Variants in FAM210A observed in about 807,000 individuals in gnomAD.
FAM210A encodes family with sequence similarity 210 member A.
In FAM210A, 13 loss-of-function variants were observed where a neutral mutation model predicts 25.3. The observed-to-expected ratio is 0.51, with a 90% CI of 0.33 to 0.82. The LOEUF is 0.82. FAM210A is among the 40% of genes least tolerant of loss of function. FAM210A has a pLI of 0.02. For synonymous variants in FAM210A, 125 were observed against 118.7 expected (o/e 1.05, Z -0.35); for missense variants, 319 against 323.2 (o/e 0.99, Z 0.10).
At chr18:13,709,486 A>T (rs893944451) in intron 1 of FAM210A, among the ~76,000 whole-genome samples, 1 of 152,172 alleles carries the variant, frequency 6.6e-6, no homozygotes, top group African/African-American at 2.4e-5. Context: ...CCTTTGTTCA[A>T]TTGCCACCTG....
intron 1 of FAM210A, among the ~76,000 whole-genome samples, chr18:13,717,352 A>G (rs757221344): frequency 2.0e-5 from 3 of 152,192 alleles, no homozygotes; most frequent in Non-Finnish European, 2.9e-5. Context: ...TCTGTTGCCC[A>G]GGCTAGTCTC....
intron 1 of FAM210A, among the ~76,000 whole-genome samples, chr18:13,709,576 A>T (rs2043806301): frequency 6.6e-6 from 1 of 152,156 alleles, no homozygotes; most frequent in South Asian, 2.1e-4. Flanking sequence ...AGTCTTCCTT[A>T]CCTTGCTCTA....
intron 2 of FAM210A, among the ~76,000 whole-genome samples, chr18:13,673,330 A>G (rs200287206): frequency 5.4e-4 from 41 of 75,906 alleles, no homozygotes; most frequent in Admixed American, 9.2e-4. Context: ...ACATTCCTGA[A>G]CCCCGACTTC....
At chr18:13,679,000 T>C (rs545292147) in intron 2 of FAM210A, among the ~76,000 whole-genome samples, 1 of 152,342 alleles carries the variant, frequency 6.6e-6, no homozygotes, top group East Asian at 1.9e-4. Flanking sequence ...TCTGCAAGGC[T>C]TTGCCAGATA....
In FAM210A at chr18:13,666,300, G is replaced by C. The variant is rs1351517500; in HGVS notation, c.*180C>G. ...TTAAACTGGGTTCATTTCTTCCCTT[G>C]TAATAACACTGATTTTTCTAGTGAT... is the stretch of plus-strand genomic sequence containing the variant. On this transcript the variant is annotated 3_prime_UTR_variant, in exon 4 of 4. Transcript: ENST00000651643. 3.4e-6 allele frequency: 2 copies of C among 593,044 alleles called. No individual in the cohort carries two copies. Among genetic ancestry groups the C allele is most frequent in the African/African-American group, 1.9e-5 (1 of 53,768 alleles). 36.7% of individuals were successfully genotyped at this position (593,044 alleles called of 1,614,324 possible).
Position 13,681,970 on chromosome 18 carries a change from T to G in FAM210A, c.108A>C (p.Leu36Phe). The G allele has an allele frequency of 1.9e-6, 3 of 1,614,116 alleles. No individual in the cohort carries two copies. Among genetic ancestry groups the G allele is most frequent in the Non-Finnish European group, 2.5e-6 (3 of 1,180,024 alleles). Residue 36 changes from leucine to phenylalanine, a missense_variant, in exon 2 of 4, where the codon TTA (leucine) becomes TTC (phenylalanine). Leu to Phe is a conservative substitution (Grantham distance 22). Coordinates refer to ENST00000651643, the MANE Select transcript of FAM210A (RefSeq NM_152352.4). ...FGHCQNVKGP[L>F]LLYNAESKVV... is the part of the protein sequence containing the mutation. ...CTTTGGATTCAGCATTGTATAAAAG[T>G]AAAGGTCCCTTTACATTTTGACAGT... is the stretch of plus-strand genomic sequence containing the variant.
At chr18:13,722,755 G>A (rs924200150) in intron 1 of FAM210A, among the ~76,000 whole-genome samples, 28 of 152,162 alleles carry the variant, frequency 1.8e-4, no homozygotes, top group African/African-American at 6.0e-4. Flanking sequence ...AAGAGATACG[G>A]GTTTCTTTAG....
chr18:13,697,830 A>G (rs940494684), intron 1 of FAM210A, among the ~76,000 whole-genome samples: 5 of 152,352 alleles, frequency 3.3e-5, no homozygotes, highest in Middle Eastern at 6.8e-3. Flanking sequence ...ATGTCCTTCA[A>G]TAAGTGAATG....
At chr18:13,693,298 C>T (rs576601470) in intron 1 of FAM210A, among the ~76,000 whole-genome samples, 1 of 152,290 alleles carries the variant, frequency 6.6e-6, no homozygotes, top group South Asian at 2.1e-4. Flanking sequence ...GATTCACAGC[C>T]AAATTCTACC....
intron 1 of FAM210A, among the ~76,000 whole-genome samples, chr18:13,684,134 C>T (rs764488875): frequency 1.8e-4 from 28 of 152,154 alleles, no homozygotes; most frequent in Admixed American, 6.5e-5. Context: ...CGGTGGCTCA[C>T]GCCTGTAATC....
intron 1 of FAM210A, among the ~76,000 whole-genome samples, chr18:13,714,031 T>C (rs1018313722): frequency 1.3e-5 from 2 of 152,198 alleles, no homozygotes; most frequent in African/African-American, 4.8e-5. Flanking sequence ...ACCTAAAATC[T>C]ACTAACGTAA....
intron 3 of FAM210A, among the ~76,000 whole-genome samples, chr18:13,670,674 G>A (rs1601939141): frequency 6.6e-6 from 1 of 152,134 alleles, no homozygotes; most frequent in East Asian, 1.9e-4. Flanking sequence ...CCAAAATAAA[G>A]ACCCATAGGC....
Position 13,704,865 on chromosome 18 carries a change from TTAACTA to T in FAM210A, c.-29+21458_-29+21463del, listed in dbSNP as rs760886460. Among the ~76,000 whole-genome samples, 11 of 152,326 alleles carry T rather than the reference TTAACTA, an allele frequency of 7.2e-5. No homozygotes were observed. In the East Asian group the frequency reaches 1.2e-3, roughly 16 times the overall value. ...CCACATTTCCTTGTCATCTGTGTCT[TTAACTA>T]TAACTATTTAAAGTCATTTCCAGTT... On this transcript the variant is annotated intron_variant, in intron 1 of 3. Coordinates refer to ENST00000651643, the MANE Select transcript of FAM210A (RefSeq NM_152352.4).
Position 13,713,873 on chromosome 18 carries a change from T to C in FAM210A, c.-29+12456A>G, listed in dbSNP as rs536305777. Among the ~76,000 whole-genome samples, 11 of 152,204 alleles carry C rather than the reference T, an allele frequency of 7.2e-5. No individual in the cohort carries two copies. In the South Asian group the frequency reaches 2.1e-3, roughly 29 times the overall value. ...TCCTGCCTCTGCCTCTCAGGTAGCA[T>C]ACCACACAGCTCCTGGCCTGAAATA... On this transcript the variant is annotated intron_variant, in intron 1 of 3. Transcript: ENST00000651643.
intron 1 of FAM210A, among the ~76,000 whole-genome samples, chr18:13,714,745 C>T (rs935811446): frequency 6.6e-6 from 1 of 152,068 alleles, no homozygotes; most frequent in African/African-American, 2.4e-5. Context: ...CATTCTTTAC[C>T]ATCACCTTAT....
chr18:13,672,566 C>A (rs193289714), intron 2 of FAM210A, among the ~76,000 whole-genome samples: 109 of 152,228 alleles, frequency 7.2e-4, no homozygotes, highest in Non-Finnish European at 1.0e-4. Context: ...GCAACCACCA[C>A]GCCTAGCTAA....
At chr18:13,691,353 C>T (rs1350961031) in intron 1 of FAM210A, among the ~76,000 whole-genome samples, 4 of 152,134 alleles carry the variant, frequency 2.6e-5, no homozygotes, top group African/African-American at 7.2e-5. Context: ...TCGAGGAGAA[C>T]TTCCCCAGCC....
At chr18:13,684,225 T>A (rs1353790773) in intron 1 of FAM210A, among the ~76,000 whole-genome samples, 1 of 152,020 alleles carries the variant, frequency 6.6e-6, no homozygotes, top group Non-Finnish European at 1.5e-5. Context: ...TGAAACCCCA[T>A]CTCTCCTAAA....
chr18:13,670,676 C>A (rs1325651532), intron 3 of FAM210A, among the ~76,000 whole-genome samples: 1 of 152,074 alleles, frequency 6.6e-6, no homozygotes, highest in African/African-American at 2.4e-5. Context: ...AAAATAAAGA[C>A]CCATAGGCAT....
Sources: allele counts gnomAD v4.1 joint callset (sites outside exome capture counted in the v4.1 genomes callset), GRCh38; gene constraint gnomAD v4.1.1; transcripts MANE v1.5; gene names NCBI Gene and HGNC (gene_info 2026-07-23, HGNC 2026-07-21).